Variants in PPIL4 observed in about 807,000 individuals in gnomAD.
PPIL4 encodes peptidyl-prolyl cis-trans isomerase-like 4.
A neutral mutation model predicts 69.1 loss-of-function variants in PPIL4; 50 were observed. The ratio of observed to expected loss-of-function variants is 0.72; its 90% CI spans 0.58 to 0.92. The LOEUF is 0.92. Ranked by LOEUF, PPIL4 falls within the 40% of genes least tolerant of loss-of-function variation. PPIL4 has a pLI of 0.00. For synonymous variants in PPIL4, 193 were observed against 191.6 expected, an observed-to-expected ratio of 1.01 and a Z score of -0.06; for missense variants, 480 against 587.9, an observed-to-expected ratio of 0.82 and a Z score of 1.90.
At chr6:149,520,214 G>A (rs940719136) in intron 10 of PPIL4, among the ~76,000 whole-genome samples, 2 of 151,964 alleles carry the variant, frequency 1.3e-5, no homozygotes, top group Non-Finnish European at 2.9e-5. Context: ...TTTTTAAAAG[G>A]AGAAAATCAT....
At chr6:149,541,346 T>G in intron 3 of PPIL4, 21 bp downstream of exon 3, 2 of 1,073,130 alleles carry the variant, frequency 1.9e-6, no homozygotes, top group Non-Finnish European at 2.5e-6. Flanking sequence ...AATAAATAAA[T>G]AAATAAATAA....
At chr6:149,507,343 C>T (rs192437590) in intron 12 of PPIL4, among the ~76,000 whole-genome samples, 106 of 152,304 alleles carry the variant, frequency 7.0e-4, no homozygotes, top group Non-Finnish European at 1.3e-3. Context: ...TGATTTTCCA[C>T]ACAATCCCAA....
chr6:149,510,233 A>C (rs1562255651), intron 12 of PPIL4, among the ~76,000 whole-genome samples: 1 of 152,208 alleles, frequency 6.6e-6, no homozygotes, highest in African/African-American at 2.4e-5. Flanking sequence ...AACTACATAT[A>C]TCAAATATTT....
At position 149,531,350 on chromosome 6, in the gene PPIL4, C is replaced by T. The variant is rs375341054; in HGVS notation, c.678+2108G>A. Among the ~76,000 whole-genome samples the T allele has an allele frequency of 1.5e-4, 20 of 132,380 alleles. No homozygotes were observed. In the South Asian group the frequency reaches 2.6e-3, roughly 17 times the overall value. 86.8% of individuals were successfully genotyped at this position (132,380 alleles called of 152,430 possible). On this transcript the variant is annotated intron_variant, in intron 7 of 12. Coordinates refer to ENST00000253329, the MANE Select transcript of PPIL4 (RefSeq NM_139126.4). ...ATTGCACTCCAGCCTGATAACAGAG[C>T]GAGATTCTGTCTCAAAAAAAAAAAA...
rs1776745400 is a variant in PPIL4, at chr6:149,504,966, T to C, written c.*487A>G. On this transcript the variant is annotated 3_prime_UTR_variant, in exon 13 of 13. Coordinates refer to ENST00000253329, the MANE Select transcript of PPIL4 (RefSeq NM_139126.4). ...ATATAAAATTCAGAAACATACAAAA[T>C]TAACATTTCACTTACAGATACATAC... is the stretch of plus-strand genomic sequence containing the variant. 6.6e-6 allele frequency: 1 copy of C among 152,408 alleles called. No individual in the cohort carries two copies. The allele number at this position is 152,408 out of a possible 1,614,324, so 9.4% of individuals were successfully genotyped here.
Position 149,525,164 on chromosome 6 carries a change from G to T in PPIL4, c.849C>A (p.Tyr283Ter), listed in dbSNP as rs201890339. 6.4e-7 allele frequency: 1 copy of T among 1,555,322 alleles called. No individual in the cohort carries two copies. The highest frequency in any genetic ancestry group is 8.8e-7 in the Non-Finnish European group (1 of 1,138,116). ...RDWKTGESLCYAFIEFEKEED... is the reference protein window; with the variant it reads ...RDWKTGESLC ...ATACCTTTTCAAATTCAATAAAAGC[G>T]TAACAGAGGGACTCTCCTGTCTTCC... Residue 283 changes from tyrosine to a stop codon, truncating the protein, a stop_gained, in exon 9 of 13, where the codon TAC (tyrosine) becomes TAA (stop). Transcript: ENST00000253329. LOFTEE classifies it high-confidence loss of function.
intron 12 of PPIL4, among the ~76,000 whole-genome samples, chr6:149,508,858 G>A (rs754665204): frequency 5.3e-5 from 8 of 152,060 alleles, no homozygotes; most frequent in Non-Finnish European, 8.8e-5. Context: ...AGAATTTGAA[G>A]AAATAAGTTA....
intron 11 of PPIL4, among the ~76,000 whole-genome samples, chr6:149,513,942 G>A (rs9498368): frequency 0.28 from 42,220 of 152,026 alleles, 7,584 homozygotes; most frequent in East Asian, 0.77. Context: ...TGGTTTTCCA[G>A]AGAAAGGTTA....
chr6:149,520,064 T>C (rs997479127), intron 10 of PPIL4, among the ~76,000 whole-genome samples: 1 of 152,084 alleles, frequency 6.6e-6, no homozygotes, highest in Non-Finnish European at 1.5e-5. Context: ...CATGGAAGAG[T>C]AAAAATTTAG....
intron 9 of PPIL4, among the ~76,000 whole-genome samples, chr6:149,523,465 T>G (rs1583207523): frequency 6.6e-6 from 1 of 152,118 alleles, no homozygotes. Context: ...CCAAGGCAGG[T>G]GGATCACTTA....
intron 7 of PPIL4, among the ~76,000 whole-genome samples, chr6:149,531,363 CAAAAAAAAA>C (rs34176914): frequency 1.4e-4 from 9 of 65,866 alleles, no homozygotes; most frequent in Non-Finnish European, 2.0e-4. Context: ...GATTCTGTCT[CAAAAAAAAA>C]AAAAAAAAAA....
intron 9 of PPIL4, among the ~76,000 whole-genome samples, chr6:149,524,773 G>A (rs1379092783): frequency 1.3e-5 from 2 of 152,038 alleles, no homozygotes; most frequent in Non-Finnish European, 2.9e-5. Flanking sequence ...ATGGTGGTGG[G>A]CACCTGTAAT....
intron 9 of PPIL4, among the ~76,000 whole-genome samples, chr6:149,521,748 A>G (rs2115032158): frequency 6.6e-6 from 1 of 152,332 alleles, no homozygotes; most frequent in East Asian, 1.9e-4. Context: ...TATATACAGT[A>G]TTACCTTTCT....
chr6:149,507,228 G>C (rs7746594), intron 12 of PPIL4, among the ~76,000 whole-genome samples: 4,107 of 152,258 alleles, frequency 0.027, 163 homozygotes, highest in African/African-American at 0.093. Flanking sequence ...TCCATATACT[G>C]TCTAGATACT....
At chr6:149,527,490 C>T (rs978734703) in intron 7 of PPIL4, among the ~76,000 whole-genome samples, 2 of 152,280 alleles carry the variant, frequency 1.3e-5, no homozygotes, top group East Asian at 3.9e-4. Context: ...ACCAATTTTA[C>T]CCCTACTTCA....
intron 12 of PPIL4, among the ~76,000 whole-genome samples, chr6:149,507,906 T>G (rs1420800281): frequency 6.6e-6 from 1 of 152,154 alleles, no homozygotes; most frequent in Non-Finnish European, 1.5e-5. Context: ...CAGATGAGCC[T>G]CAAAGGGTAA....
chr6:149,519,318 C>G (rs989862094), intron 10 of PPIL4, among the ~76,000 whole-genome samples: 1 of 152,128 alleles, frequency 6.6e-6, no homozygotes, highest in Non-Finnish European at 1.5e-5. Flanking sequence ...ATACACTTCC[C>G]AAATGATACA....
chr6:149,510,512 G>A (rs1171705214), intron 12 of PPIL4, among the ~76,000 whole-genome samples: 1 of 152,208 alleles, frequency 6.6e-6, no homozygotes, highest in Non-Finnish European at 1.5e-5. Context: ...GGGAGGCTGA[G>A]GCAGGCAGAT....
intron 9 of PPIL4, among the ~76,000 whole-genome samples, chr6:149,523,639 T>C (rs1777063775): frequency 6.6e-6 from 1 of 151,016 alleles, no homozygotes; most frequent in African/African-American, 2.4e-5. Context: ...TGCAGTGAGC[T>C]GAGATCATGC....
Sources: allele counts gnomAD v4.1 joint callset (sites outside exome capture counted in the v4.1 genomes callset), GRCh38; gene constraint gnomAD v4.1.1; transcripts MANE v1.5; gene names NCBI Gene and HGNC (gene_info 2026-07-23, HGNC 2026-07-21).